The following ARHGAP32 variants were observed in gnomAD, a reference collection of about 807,000 sequenced individuals.
ARHGAP32 encodes the protein rho GTPase-activating protein 32.
A neutral mutation model predicts 186.5 loss-of-function variants in ARHGAP32; 51 were observed. That is an observed-to-expected ratio of 0.27 (90% CI 0.22 to 0.35). ARHGAP32 has a LOEUF of 0.35. ARHGAP32 is among the 10% of genes least tolerant of loss of function. ARHGAP32 has a pLI of 1.00. For missense variants in ARHGAP32, 2,186 were observed against 2,623.5 expected (o/e 0.83, Z 3.64); for synonymous variants, 950 against 964.3 (o/e 0.99, Z 0.27).
intron 1 of ARHGAP32, among the ~76,000 whole-genome samples, chr11:129,270,449 T>C (rs987196206): frequency 6.6e-6 from 1 of 151,972 alleles, no homozygotes; most frequent in Non-Finnish European, 1.5e-5. Flanking sequence ...TACATGTCAT[T>C]ATTAATTTGT....
At chr11:129,001,117 C>T (rs943076241) in intron 11 of ARHGAP32, among the ~76,000 whole-genome samples, 17 of 152,096 alleles carry the variant, frequency 1.1e-4, no homozygotes, top group Non-Finnish European at 1.6e-4. Flanking sequence ...CTTCTATATA[C>T]GAATTTCCTT....
intron 6 of ARHGAP32, among the ~76,000 whole-genome samples, chr11:129,083,724 G>T (rs1050599932): frequency 6.6e-6 from 1 of 151,962 alleles, no homozygotes; most frequent in African/African-American, 2.4e-5. Context: ...AAATAGAAAA[G>T]AAGAAACATC....
At chr11:129,006,486 G>A (rs1322898738) in intron 11 of ARHGAP32, among the ~76,000 whole-genome samples, 1 of 152,170 alleles carries the variant, frequency 6.6e-6, no homozygotes, top group Admixed American at 6.5e-5. Flanking sequence ...ATTTGTAGAG[G>A]TACTGCCTTG....
At chr11:129,059,415 G>A (rs2135124294) in intron 10 of ARHGAP32, among the ~76,000 whole-genome samples, 1 of 151,980 alleles carries the variant, frequency 6.6e-6, no homozygotes, top group Admixed American at 6.5e-5. Flanking sequence ...TTAACCATGA[G>A]TGCTCTTAGA....
intron 1 of ARHGAP32, among the ~76,000 whole-genome samples, chr11:129,216,578 G>A (rs1404393784): frequency 2.0e-5 from 3 of 149,658 alleles, no homozygotes; most frequent in African/African-American, 7.4e-5. Flanking sequence ...GAGTAAGGCA[G>A]GAAAATCGCT....
At chr11:129,143,530 A>G (rs1943106467) in intron 2 of ARHGAP32, among the ~76,000 whole-genome samples, 1 of 152,098 alleles carries the variant, frequency 6.6e-6, no homozygotes, top group African/African-American at 2.4e-5. Context: ...CCCGCCGGTG[A>G]CTCACTTGGG....
At chr11:129,098,906 G>A (rs2135291011) in intron 5 of ARHGAP32, among the ~76,000 whole-genome samples, 1 of 152,212 alleles carries the variant, frequency 6.6e-6, no homozygotes, top group South Asian at 2.1e-4. Flanking sequence ...AAATTTGAAT[G>A]TTATAACTTT....
intron 1 of ARHGAP32, among the ~76,000 whole-genome samples, chr11:129,220,609 T>TG (rs1328699212): frequency 2.0e-5 from 3 of 152,152 alleles, no homozygotes; most frequent in African/African-American, 7.2e-5. Context: ...GAATCCAGTT[T>TG]GGTTTGATGC....
In ARHGAP32 at chr11:128,986,098, C is replaced by T. The variant is rs777827420; in HGVS notation, c.1444-13G>A. On this transcript the variant is annotated splice_polypyrimidine_tract_variant and intron_variant, in intron 14 of 22. Coordinates refer to ENST00000682385, the MANE Select transcript of ARHGAP32 (RefSeq NM_001378024.1). ...CTGAAACTGCATCCTAGAAGAGTCA[C>T]AGTACAAAATAAACTAGTGAGCTCT... 69 of 1,595,128 alleles carry T rather than the reference C, an allele frequency of 4.3e-5. No homozygotes were observed. In the Admixed American group the frequency reaches 1.2e-3, roughly 28 times the overall value.
intron 1 of ARHGAP32, among the ~76,000 whole-genome samples, chr11:129,233,848 A>G (rs1944890284): frequency 6.6e-6 from 1 of 152,126 alleles, no homozygotes; most frequent in Non-Finnish European, 1.5e-5. Flanking sequence ...ACAGTCTAAT[A>G]CTATGCAATA....
intron 1 of ARHGAP32, among the ~76,000 whole-genome samples, chr11:129,226,646 A>G (rs1944787046): frequency 1.3e-5 from 2 of 152,154 alleles, no homozygotes; most frequent in African/African-American, 2.4e-5. Context: ...AGTAAATCCT[A>G]TCTTATCAGT....
intron 10 of ARHGAP32, among the ~76,000 whole-genome samples, chr11:129,056,450 T>A (rs569931312): frequency 6.6e-6 from 1 of 152,268 alleles, no homozygotes; most frequent in South Asian, 2.1e-4. Context: ...TTTCACCATG[T>A]TGGCCAGGCT....
Position 129,123,177 on chromosome 11 carries a change from T to C in ARHGAP32, c.444+269A>G, listed in dbSNP as rs1052028111. ...GTCACTACACAAAGCCATGGACATA[T>C]GGACATGATACAGGAAAACGGAGGG... On this transcript the variant is annotated intron_variant, in intron 5 of 22. Transcript: ENST00000682385. The surrounding 1 kb of genome is among the most constrained non-coding windows in gnomAD (Gnocchi z 4.6). Among the ~76,000 whole-genome samples the C allele has an allele frequency of 6.6e-6, 1 of 152,092 alleles. No homozygotes were observed. The highest frequency in any genetic ancestry group is 2.4e-5 in the African/African-American group (1 of 41,430).
chr11:129,203,670 C>T (rs1944482764), intron 1 of ARHGAP32, among the ~76,000 whole-genome samples: 1 of 148,762 alleles, frequency 6.7e-6, no homozygotes, highest in Non-Finnish European at 1.5e-5. Context: ...CAGGAGGATC[C>T]CTTAAGGCCA....
intron 1 of ARHGAP32, among the ~76,000 whole-genome samples, chr11:129,174,113 G>A (rs1199230175): frequency 6.6e-6 from 1 of 152,226 alleles, no homozygotes; most frequent in Non-Finnish European, 1.5e-5. Flanking sequence ...GCAGGGCGAG[G>A]CATTGCCTCA....
intron 11 of ARHGAP32, chr11:129,024,065 G>A (rs947915732): frequency 2.0e-6 from 2 of 985,306 alleles, no homozygotes; most frequent in Non-Finnish European, 2.4e-6. Flanking sequence ...CTGTTTTCAG[G>A]ACCCCCTGCA....
intron 2 of ARHGAP32, among the ~76,000 whole-genome samples, chr11:129,133,320 T>C (rs1942859986): frequency 6.6e-6 from 1 of 152,108 alleles, no homozygotes; most frequent in Non-Finnish European, 1.5e-5. Context: ...TCGAAGTCTC[T>C]GAAGATGAGA....
At chr11:129,189,931 C>G (rs865900103) in intron 1 of ARHGAP32, among the ~76,000 whole-genome samples, 9 of 152,110 alleles carry the variant, frequency 5.9e-5, no homozygotes, top group African/African-American at 2.2e-4. Flanking sequence ...CAAGAGCAGG[C>G]TTTTAAGAGT....
chr11:129,220,164 T>A lies in ARHGAP32; in HGVS notation c.-4-55737A>T, dbSNP rs150713158. 1.5e-3 allele frequency among the ~76,000 whole-genome samples: 225 copies of A among 152,308 alleles called. 1 individual carries two copies. The highest frequency in any genetic ancestry group is 5.0e-3 in the African/African-American group (208 of 41,578). On this transcript the variant is annotated intron_variant, in intron 1 of 6. Coordinates refer to the ARHGAP32 transcript ENST00000525234. The stretch of plus-strand genomic sequence containing the variant: ...AAACATTCTCCAGAATGGATCAACT[T>A]TTTTTAAACCAGAATATCATTAACT...
Sources: gnomAD v4.1 joint callset for allele counts (sites outside exome capture counted in the v4.1 genomes callset) on GRCh38, gnomAD v4.1.1 for gene constraint, Gnocchi (gnomAD v3.1) non-coding constraint, MANE v1.5 for transcripts, NCBI Gene and HGNC (gene_info 2026-07-23, HGNC 2026-07-21) for gene names.